The following ACBD4 variants were observed in gnomAD, a reference collection of about 807,000 sequenced individuals.
The protein encoded by ACBD4 is acyl-CoA binding domain containing 4.
Under a neutral mutation model 46.0 loss-of-function variants are expected in ACBD4, and 41 were observed. The observed-to-expected ratio is 0.89, with a 90% CI of 0.69 to 1.16. The LOEUF is 1.16. ACBD4 is among the 50% of genes most tolerant of loss of function. ACBD4 has a pLI of 0.00. For missense variants in ACBD4, 393 were observed against 399.5 expected (o/e 0.98, Z 0.14); for synonymous variants, 162 against 155.9 (o/e 1.04, Z -0.29).
chr17:45,143,696 C>A lies in ACBD4; in HGVS notation c.*125C>A. 3 of 1,531,014 alleles carry A rather than the reference C, an allele frequency of 2.0e-6. No homozygotes were observed. Among genetic ancestry groups the A allele is most frequent in the Admixed American group, 1.8e-5 (1 of 54,704 alleles). The allele number at this position is 1,531,014 out of a possible 1,614,324, so 94.8% of individuals were successfully genotyped here. The stretch of plus-strand genomic sequence containing the variant: ...TCAGTGTTTGCCTTCGCACCTCCTC[C>A]CCTAAAGCAGCGCGGGGGGCAAATA... On this transcript the variant is annotated 3_prime_UTR_variant, in exon 10 of 10. Transcript: ENST00000321854.
At chr17:45,134,874 A>G (rs1476765335), upstream of ACBD4, among the ~76,000 whole-genome samples, 2 of 151,906 alleles carry the variant, frequency 1.3e-5, no homozygotes, top group African/African-American at 4.8e-5. Flanking sequence ...ACTGGATCTC[A>G]TTCATTCTAA....
At chr17:45,138,086 G>A (rs2054988909) in intron 8 of ACBD4, 98 bp downstream of exon 8, 1 of 1,254,960 alleles carries the variant, frequency 8.0e-7, no homozygotes, top group African/African-American at 1.5e-5. Context: ...AGAGTTGAAA[G>A]TCCATTGCTG....
At chr17:45,132,507 C>A (rs895459655), upstream of ACBD4, 4 of 722,850 alleles carry the variant, frequency 5.5e-6, no homozygotes, top group Non-Finnish European at 7.1e-6. This position sits in a 1 kb window ranked among gnomAD's most constrained non-coding sequence, Gnocchi z 4.6. Flanking sequence ...AGCGAGGCGG[C>A]GAGCGAAGAA....
chr17:45,138,883 G>A (rs2055069081), intron 8 of ACBD4, 138 bp from the exon 9 acceptor site: 2 of 889,786 alleles, frequency 2.2e-6, no homozygotes, highest in Non-Finnish European at 1.7e-6. Flanking sequence ...TACATAGATG[G>A]ACTTTGCAAG....
At chr17:45,136,869 C>T in intron 4 of ACBD4, 93 bp downstream of exon 4, 1 of 1,581,770 alleles carries the variant, frequency 6.3e-7, no homozygotes, top group East Asian at 2.3e-5. Flanking sequence ...CACATGGACC[C>T]CCTCATGGGA....
chr17:45,136,508 C>G lies in ACBD4; in HGVS notation c.97C>G (p.Arg33Gly), dbSNP rs765863543. 1.2e-6 allele frequency: 2 copies of G among 1,612,704 alleles called. No individual in the cohort carries two copies. The highest frequency in any genetic ancestry group is 1.7e-6 in the Non-Finnish European group (2 of 1,179,252). ...IQNLPKNGSY[R>G]PSYEEMLRFY... ...CCCAACTCTCTGCCCAGGTTCTTAC[C>G]GCCCCTCCTATGAAGAGATGCTGCG... Residue 33 changes from arginine to glycine, a missense_variant, in exon 3 of 10, where the codon CGC (arginine) becomes GGC (glycine). Coordinates refer to ENST00000321854, the MANE Select transcript of ACBD4 (RefSeq NM_001135705.3).
intron 6 of ACBD4, 114 bp from the exon 7 acceptor site, chr17:45,137,642 ATATC>A: frequency 1.5e-6 from 2 of 1,364,784 alleles, no homozygotes; most frequent in South Asian, 2.4e-5. Context: ...TCAGGTGTTG[ATATC>A]TCTAGTGCCT....
At position 45,138,008 on chromosome 17, in the gene ACBD4, C is replaced by T; in HGVS notation, c.649+20C>T. 1 of 1,607,824 alleles carries T rather than the reference C, an allele frequency of 6.2e-7. No homozygotes were observed. Among genetic ancestry groups the T allele is most frequent in the Non-Finnish European group, 8.5e-7 (1 of 1,177,120 alleles). ...AGAAAGGTGAGCTCCTACCCAACCT[C>T]TCACCCACTTCTGCCCTTTCCCGTG... On this transcript the variant is annotated intron_variant, in intron 8 of 9. Transcript: ENST00000321854.
chr17:45,139,998 A>G (rs763106603), intron 9 of ACBD4, among the ~76,000 whole-genome samples: 1 of 152,134 alleles, frequency 6.6e-6, no homozygotes, highest in Non-Finnish European at 1.5e-5. Context: ...AGCCTGAGGT[A>G]GTGGGGGCAG....
At chr17:45,136,647 A>G in intron 3 of ACBD4, 27 bp downstream of exon 3, 1 of 1,613,910 alleles carries the variant, frequency 6.2e-7, no homozygotes, top group Non-Finnish European at 8.5e-7. Flanking sequence ...CTGGGCAGAC[A>G]AGCCTCAGCT....
At chr17:45,139,000 C>T (rs770288651) in intron 8 of ACBD4, 21 bp from the exon 9 acceptor site, 36 of 1,611,526 alleles carry the variant, frequency 2.2e-5, no homozygotes, top group Non-Finnish European at 3.1e-5. Flanking sequence ...GCCCCCTTCC[C>T]TGTGTGTCTG....
intron 9 of ACBD4, among the ~76,000 whole-genome samples, 170 bp downstream of exon 9, chr17:45,139,330 G>A (rs2055116164): frequency 6.6e-6 from 1 of 152,156 alleles, no homozygotes; most frequent in Admixed American, 6.5e-5. Context: ...AGGGTGGAGG[G>A]GGCTGACATG....
upstream of ACBD4, among the ~76,000 whole-genome samples, chr17:45,134,952 C>T (rs1205855762): frequency 6.6e-6 from 1 of 150,434 alleles, no homozygotes; most frequent in Admixed American, 6.7e-5. Context: ...CATCATTCTG[C>T]GATGTCCATT....
upstream of ACBD4, chr17:45,132,627 G>T (rs958478275): frequency 1.5e-5 from 4 of 264,138 alleles, no homozygotes; most frequent in South Asian, 1.6e-4. This position sits in a 1 kb window ranked among gnomAD's most constrained non-coding sequence, Gnocchi z 4.6. Context: ...CCAGGCGGTG[G>T]CCTGGAAGCC....
rs369014950 is a variant in ACBD4 at position 45,139,042 on chromosome 17, C to T, written c.671C>T (p.Pro224Leu). The T allele has an allele frequency of 6.6e-4, 1,061 of 1,613,372 alleles. 1 individual carries two copies. The highest frequency in any genetic ancestry group is 8.7e-4 in the Non-Finnish European group (1,021 of 1,180,022). The part of the protein sequence containing the change: ...TKKEGLRGSP[P>L]GPQELDVWLL... ...GCAGAGGGGTTGCGGGGCAGCCCGC[C>T]GGGGCCCCAGGAGTTGGACGTGTGG... Residue 224 changes from proline (P) to leucine (L), a missense_variant, in exon 9 of 10, where the codon CCG (proline) becomes CTG (leucine). Transcript: ENST00000321854.
Position 45,143,516 on chromosome 17 carries a change from T to C in ACBD4, c.863T>C (p.Leu288Pro), listed in dbSNP as rs767552008. 2 of 1,614,010 alleles carry C rather than the reference T, an allele frequency of 1.2e-6. No individual in the cohort carries two copies. The highest frequency in any genetic ancestry group is 2.2e-5 in the South Asian group (2 of 91,080). Residue 288 changes from leucine (L) to proline (P), a missense_variant, in exon 10 of 10, where the codon CTG becomes CCG. Coordinates refer to ENST00000321854, the MANE Select transcript of ACBD4 (RefSeq NM_001135705.3). ...GGGCCCGCGCTGCTCTTCTTCCTCC[T>C]GTGGCCCTTCGTCGTCCAGTGGCTC... ...LPGPALLFFLLWPFVVQWLFR... is the reference protein window; with the variant it reads ...LPGPALLFFLPWPFVVQWLFR...
chr17:45,136,029 C>T, intron 1 of ACBD4, 76 bp downstream of exon 1: 1 of 1,054,324 alleles, frequency 9.5e-7, no homozygotes, highest in Admixed American at 2.4e-5. Context: ...CTTAGTTTGC[C>T]CCTCTGGGAA....
chr17:45,137,107 G>C lies in ACBD4; in HGVS notation c.383G>C (p.Arg128Thr). Residue 128 changes from arginine to threonine, a missense_variant, in exon 5 of 10, where the codon AGG (arginine) becomes ACG (threonine). Arg to Thr is a moderately conservative substitution (Grantham distance 71). Transcript: ENST00000321854. ...PLYQVIPDMP[R>T]PPETFLRRVT... is the part of the protein sequence containing the mutation. ...TACCAGGTGATCCCTGACATGCCGAGGCCCCCAGAGACCTTCCTGAGAAGG... is the reference window on the plus strand; with the variant it reads ...TACCAGGTGATCCCTGACATGCCGACGCCCCCAGAGACCTTCCTGAGAAGG... 4 of 1,614,114 alleles carry C rather than the reference G, an allele frequency of 2.5e-6. No individual in the cohort carries two copies. Among genetic ancestry groups the C allele is most frequent in the Non-Finnish European group, 3.4e-6 (4 of 1,180,008 alleles).
intron 4 of ACBD4, 67 bp from the exon 5 acceptor site, chr17:45,136,952 A>C (rs1004786326): frequency 6.2e-7 from 1 of 1,607,732 alleles, no homozygotes; most frequent in East Asian, 2.2e-5. Context: ...GAGGTGTGTG[A>C]CAGGGCAGGA....
Sources: allele counts gnomAD v4.1 joint callset (sites outside exome capture counted in the v4.1 genomes callset), GRCh38; gene constraint gnomAD v4.1.1; non-coding constraint Gnocchi (gnomAD v3.1); transcripts MANE v1.5; gene names NCBI Gene and HGNC (gene_info 2026-07-23, HGNC 2026-07-21).